Variants in SRGAP1 observed in about 807,000 individuals in gnomAD.
SRGAP1 encodes the protein SLIT-ROBO Rho GTPase activating protein 1.
Under a neutral mutation model 121.9 loss-of-function variants are expected in SRGAP1, and 43 were observed. The ratio of observed to expected loss-of-function variants is 0.35; its 90% CI spans 0.28 to 0.46. The LOEUF is 0.46. SRGAP1 is among the 20% of genes least tolerant of loss of function. The probability of loss-of-function intolerance (pLI) is 1.00; values close to 1 mark genes in which losing one functional copy is unlikely to be tolerated. For synonymous variants in SRGAP1, 447 were observed against 485.4 expected, an observed-to-expected ratio of 0.92 and a Z score of 1.04; for missense variants, 1,102 against 1,350.9, an observed-to-expected ratio of 0.82 and a Z score of 2.89.
At chr12:64,009,565 G>A (rs1015007457) in intron 3 of SRGAP1, among the ~76,000 whole-genome samples, 2 of 152,160 alleles carry the variant, frequency 1.3e-5, no homozygotes, top group African/African-American at 4.8e-5. Context: ...CACAGCAACA[G>A]CCGACCTTTT....
intron 1 of SRGAP1, among the ~76,000 whole-genome samples, chr12:63,964,245 G>T (rs767107399): frequency 1.3e-5 from 2 of 152,122 alleles, no homozygotes; most frequent in Admixed American, 6.5e-5. Flanking sequence ...CTACAAAATA[G>T]AATTGTGTCT....
intron 3 of SRGAP1, among the ~76,000 whole-genome samples, chr12:64,010,411 A>T (rs1002046541): frequency 6.6e-6 from 1 of 152,030 alleles, no homozygotes; most frequent in Non-Finnish European, 1.5e-5. Context: ...TGGGGGTAAG[A>T]CTGGATAGGG....
intron 21 of SRGAP1, among the ~76,000 whole-genome samples, chr12:64,132,340 C>T (rs1416134583): frequency 6.6e-6 from 1 of 152,122 alleles, no homozygotes; most frequent in Non-Finnish European, 1.5e-5. Context: ...GTCATATGGC[C>T]CAAGTGGCAG....
rs1300838199 is a variant in SRGAP1, at chr12:63,938,631, A to G, written c.68-45316A>G. The stretch of plus-strand genomic sequence containing the variant: ...TGTGGTTAAACAGCTGGAAGGTGGT[A>G]TAGATTATCATGCTATTTGCACACA... On this transcript the variant is annotated intron_variant, in intron 1 of 21. Transcript: ENST00000355086. Among the ~76,000 whole-genome samples, 4 of 152,166 alleles carry G rather than the reference A, an allele frequency of 2.6e-5. No homozygotes were observed. The East Asian group carries it at 7.7e-4, about 29-fold the overall frequency.
At chr12:63,978,817 C>T (rs774033829) in intron 1 of SRGAP1, among the ~76,000 whole-genome samples, 10 of 152,160 alleles carry the variant, frequency 6.6e-5, no homozygotes, top group Non-Finnish European at 1.2e-4. Flanking sequence ...TTTACATTTC[C>T]ACCAGCAATG....
At chr12:64,100,857 A>G (rs1280036132) in intron 15 of SRGAP1, among the ~76,000 whole-genome samples, 1 of 152,146 alleles carries the variant, frequency 6.6e-6, no homozygotes, top group Non-Finnish European at 1.5e-5. Context: ...TGGATTTTCA[A>G]TAAATCCTTT....
rs111974883 is a variant in SRGAP1 at position 64,012,657 on chromosome 12, A to C, written c.427-4293A>C. 2.0e-3 allele frequency among the ~76,000 whole-genome samples: 289 copies of C among 145,064 alleles called. 3 individuals carry two copies. The highest frequency in any genetic ancestry group is 7.0e-3 in the African/African-American group (272 of 38,608). ...AGCCTCGAACTCTTAGGTTCAAGAG[A>C]TCCTCCCACCTCAGCCTCTCATAGC... On this transcript the variant is annotated intron_variant, in intron 3 of 21. Coordinates refer to ENST00000355086, the MANE Select transcript of SRGAP1 (RefSeq NM_020762.4).
At chr12:64,055,747 G>T (rs2035328189) in intron 6 of SRGAP1, among the ~76,000 whole-genome samples, 1 of 152,108 alleles carries the variant, frequency 6.6e-6, no homozygotes, top group Admixed American at 6.6e-5. Context: ...GCACCAATCT[G>T]GTTTCCTCCT....
At chr12:64,024,086 T>C (rs142077934) in intron 4 of SRGAP1, among the ~76,000 whole-genome samples, 4 of 152,200 alleles carry the variant, frequency 2.6e-5, no homozygotes, top group African/African-American at 7.2e-5. Flanking sequence ...TAGACTGTTA[T>C]ATGGGTTACA....
At chr12:63,907,742 T>TTAAC (rs74749648) in intron 1 of SRGAP1, among the ~76,000 whole-genome samples, 150,411 of 152,160 alleles carry the variant, frequency 0.99, 74,362 homozygotes, top group Middle Eastern at 1. Context: ...AAAGTTCAAC[T>TTAAC]TATTTTTTAT....
chr12:64,146,317 G>A lies in SRGAP1; in HGVS notation c.*3645G>A, dbSNP rs1592363528. On this transcript the variant is annotated 3_prime_UTR_variant, in exon 22 of 22. Coordinates refer to ENST00000355086, the MANE Select transcript of SRGAP1 (RefSeq NM_020762.4). ...TCGTGAACAGTTATCAGTGGATATA[G>A]TGCTCCAAGAGTCAAATTGTATCCG... 1 of 152,082 alleles carries A rather than the reference G, an allele frequency of 6.6e-6. No homozygotes were observed. The highest frequency in any genetic ancestry group is 2.4e-5 in the African/African-American group (1 of 41,418). 9.4% of individuals were successfully genotyped at this position (152,082 alleles called of 1,614,324 possible).
At chr12:63,913,490 T>TATATATAA in intron 1 of SRGAP1, among the ~76,000 whole-genome samples, 1 of 128,656 alleles carries the variant, frequency 7.8e-6, no homozygotes, top group Non-Finnish European at 1.7e-5. Flanking sequence ...TATATATATA[T>TATATATAA]AAATACACAT....
intron 21 of SRGAP1, among the ~76,000 whole-genome samples, chr12:64,141,951 C>G (rs1358253207): frequency 6.6e-6 from 1 of 152,174 alleles, no homozygotes; most frequent in Non-Finnish European, 1.5e-5. Context: ...ATTCACACCA[C>G]TGCACTCTGC....
chr12:63,870,654 G>A (rs1452589677), intron 1 of SRGAP1, among the ~76,000 whole-genome samples: 2 of 150,604 alleles, frequency 1.3e-5, no homozygotes, highest in East Asian at 2.0e-4. Flanking sequence ...ATTCTCCTGC[G>A]TCAACCTCCT....
chr12:63,984,920 G>A (rs1028417061), intron 2 of SRGAP1, among the ~76,000 whole-genome samples: 43 of 151,872 alleles, frequency 2.8e-4, no homozygotes. Context: ...GGAGGCTGAG[G>A]CAGGAGAATA....
At chr12:63,897,624 C>T (rs1226251190) in intron 1 of SRGAP1, among the ~76,000 whole-genome samples, 1 of 152,210 alleles carries the variant, frequency 6.6e-6, no homozygotes, top group East Asian at 1.9e-4. Context: ...TTTACCTTGT[C>T]TGCTATTTCA....
At position 63,946,892 on chromosome 12, in the gene SRGAP1, C is replaced by A. The variant is rs2032067317; in HGVS notation, c.68-37055C>A. On this transcript the variant is annotated intron_variant, in intron 1 of 21. Coordinates refer to ENST00000355086, the MANE Select transcript of SRGAP1 (RefSeq NM_020762.4). ...TATAAATGGAATCATACAGTAAGTA[C>A]TATTTTTTCAGGGGGACAGTCTTGC... Among the ~76,000 whole-genome samples the A allele has an allele frequency of 2.0e-5, 3 of 152,080 alleles. No individual in the cohort carries two copies. The South Asian group carries it at 6.2e-4, about 31-fold the overall frequency.
intron 6 of SRGAP1, among the ~76,000 whole-genome samples, chr12:64,048,357 A>G (rs1474410443): frequency 6.6e-6 from 1 of 151,908 alleles, no homozygotes; most frequent in African/African-American, 2.4e-5. Context: ...GCCGAATAGA[A>G]CTCCACTGTG....
chr12:64,064,591 A>G (rs550641237), intron 7 of SRGAP1, among the ~76,000 whole-genome samples: 1 of 151,928 alleles, frequency 6.6e-6, no homozygotes, highest in Non-Finnish European at 1.5e-5. Context: ...TTCCCACAGC[A>G]GCCCTGTGAT....
Sources: gnomAD v4.1 joint callset for allele counts (sites outside exome capture counted in the v4.1 genomes callset) on GRCh38, gnomAD v4.1.1 for gene constraint, MANE v1.5 for transcripts, NCBI Gene and HGNC (gene_info 2026-07-23, HGNC 2026-07-21) for gene names.